FGF18: variants seen among roughly 807,000 people sequenced by gnomAD.
FGF18 encodes fibroblast growth factor 18.
Under a neutral mutation model 23.0 loss-of-function variants are expected in FGF18, and 5 were observed. The ratio of observed to expected loss-of-function variants is 0.22; its 90% CI spans 0.11 to 0.46. The LOEUF is 0.46. Ranked by LOEUF, FGF18 falls within the 20% of genes least tolerant of loss-of-function variation. The pLI is 0.99. For synonymous variants in FGF18, 117 were observed against 118.9 expected (o/e 0.98, Z 0.10); for missense variants, 180 against 291.6 (o/e 0.62, Z 2.79).
intron 3 of FGF18, among the ~76,000 whole-genome samples, chr5:171,438,226 C>T (rs1325830548): frequency 2.6e-5 from 4 of 151,708 alleles, no homozygotes; most frequent in South Asian, 2.1e-4. Flanking sequence ...CTCAGCCTCC[C>T]GAGAAGCTGG....
intron 3 of FGF18, among the ~76,000 whole-genome samples, chr5:171,441,244 C>T (rs1374227101): frequency 2.0e-5 from 3 of 152,252 alleles, no homozygotes; most frequent in East Asian, 1.9e-4. Flanking sequence ...TGAGCCCCCA[C>T]GGTCCATTTT....
chr5:171,455,279 C>T (rs1458697455), intron 4 of FGF18, among the ~76,000 whole-genome samples: 2 of 152,134 alleles, frequency 1.3e-5, no homozygotes, highest in Non-Finnish European at 2.9e-5. Context: ...TTTGGCCATG[C>T]GAAATCTCTT....
chr5:171,420,974 C>G (rs1390980465), intron 2 of FGF18, among the ~76,000 whole-genome samples: 3 of 152,248 alleles, frequency 2.0e-5, no homozygotes, highest in Non-Finnish European at 2.9e-5. Flanking sequence ...TCGAGGGCGC[C>G]TAGGCCGAGT....
chr5:171,447,934 C>G (rs1299652997), intron 3 of FGF18, among the ~76,000 whole-genome samples: 1 of 152,038 alleles, frequency 6.6e-6, no homozygotes, highest in Non-Finnish European at 1.5e-5. Context: ...GGGGCGGTCA[C>G]AGGCAAATAA....
rs552601884 is a variant in FGF18 at position 171,438,205 on chromosome 5, G to A, written c.250+1932G>A. On this transcript the variant is annotated intron_variant, in intron 3 of 4. Coordinates refer to ENST00000274625, the MANE Select transcript of FGF18 (RefSeq NM_003862.3). ...CAACCTCTGCCTCCTGGGTTCAAGCGATTCTCCTGCCTCAGCCTCCCGAGA... is the reference window on the plus strand; with the variant it reads ...CAACCTCTGCCTCCTGGGTTCAAGCAATTCTCCTGCCTCAGCCTCCCGAGA... 2.0e-5 allele frequency among the ~76,000 whole-genome samples: 3 copies of A among 151,232 alleles called. No individual in the cohort carries two copies. In the East Asian group the frequency reaches 5.9e-4, roughly 30 times the overall value.
chr5:171,437,300 C>T (rs1772262218), intron 3 of FGF18, among the ~76,000 whole-genome samples: 2 of 152,220 alleles, frequency 1.3e-5, no homozygotes, highest in South Asian at 4.1e-4. Flanking sequence ...TTATCTTGGA[C>T]ACCATTTATT....
rs370598971 is a variant in FGF18, at chr5:171,456,724, G to A, written c.543G>A (p.Gly181=). ...ATTTCATGAAGCGCTACCCCAAGGG[G>A]CAGCCGGAGCTTCAGAAGCCCTTCA... ...DVHFMKRYPK[G]QPELQKPFKY... is the part of the protein sequence containing the mutation. The change falls in exon 5 of 5, where the codon GGG becomes GGA. Residue 181 remains glycine, a synonymous_variant. Transcript: ENST00000274625. The surrounding 1 kb of genome is among the most constrained non-coding windows in gnomAD (Gnocchi z 6.1). 22 of 1,613,928 alleles carry A rather than the reference G, an allele frequency of 1.4e-5. No homozygotes were observed. In the African/African-American group the frequency reaches 2.5e-4, roughly 19 times the overall value.
chr5:171,438,031 CT>C (rs1325328129), intron 3 of FGF18, among the ~76,000 whole-genome samples: 1 of 151,912 alleles, frequency 6.6e-6, no homozygotes, highest in Non-Finnish European at 1.5e-5. Flanking sequence ...AGCACTTTGC[CT>C]TCTCTGGGCC....
At chr5:171,439,226 G>A (rs1190867802) in intron 3 of FGF18, among the ~76,000 whole-genome samples, 1 of 152,198 alleles carries the variant, frequency 6.6e-6, no homozygotes. Context: ...CTGCTTGGAT[G>A]TCAGTGGGGC....
Position 171,419,858 on chromosome 5 carries a change from G to A in FGF18, c.-342G>A, listed in dbSNP as rs1174765162. 1 of 153,678 alleles carries A rather than the reference G, an allele frequency of 6.5e-6. No homozygotes were observed. Among genetic ancestry groups the A allele is most frequent in the African/African-American group, 2.4e-5 (1 of 41,380 alleles). The allele number at this position is 153,678 out of a possible 1,614,324, so 9.5% of individuals were successfully genotyped here. ...CGCATGCTGTCCCCGGACTGAGCCG[G>A]GCAGCCAGCCTCCCACGGACGCCCG... On this transcript the variant is annotated 5_prime_UTR_variant, in exon 1 of 5. Coordinates refer to ENST00000274625, the MANE Select transcript of FGF18 (RefSeq NM_003862.3).
rs201205601 is a variant in FGF18 at position 171,456,522 on chromosome 5, C to G, written c.358-17C>G. 13 of 1,607,446 alleles carry G rather than the reference C, an allele frequency of 8.1e-6. No individual in the cohort carries two copies. The highest frequency in any genetic ancestry group is 1.1e-5 in the Non-Finnish European group (13 of 1,175,558). On this transcript the variant is annotated splice_polypyrimidine_tract_variant and intron_variant, in intron 4 of 4. Coordinates refer to ENST00000274625, the MANE Select transcript of FGF18 (RefSeq NM_003862.3). This position sits in a 1 kb window ranked among gnomAD's most constrained non-coding sequence, Gnocchi z 6.1. ...GAGTCATTTTTTTCTTGAACACTCC[C>G]CCTCTCTCCCCTGCAGCCCGATGGC... is the stretch of plus-strand genomic sequence containing the variant.
chr5:171,455,781 T>C (rs1044436896), intron 4 of FGF18, among the ~76,000 whole-genome samples: 1 of 152,240 alleles, frequency 6.6e-6, no homozygotes, highest in African/African-American at 2.4e-5. Context: ...TGCTCACCTG[T>C]GAGCCAATCA....
intron 3 of FGF18, among the ~76,000 whole-genome samples, chr5:171,439,628 T>C (rs942408225): frequency 6.6e-6 from 1 of 152,114 alleles, no homozygotes; most frequent in Non-Finnish European, 1.5e-5. Flanking sequence ...AGCCTCCATG[T>C]CTGGGCTTAG....
intron 4 of FGF18, among the ~76,000 whole-genome samples, chr5:171,455,721 G>T (rs1296250201): frequency 1.3e-5 from 2 of 152,196 alleles, no homozygotes; most frequent in Non-Finnish European, 2.9e-5. Context: ...TATGTTTGGG[G>T]TTGCCTAGAA....
intron 4 of FGF18, among the ~76,000 whole-genome samples, chr5:171,454,519 C>G (rs548070007): frequency 6.6e-5 from 10 of 152,144 alleles, no homozygotes; most frequent in Non-Finnish European, 1.5e-4. Flanking sequence ...GTGTGTGTCC[C>G]AGGTCTGCCC....
chr5:171,421,704 G>A (rs1406000827), intron 2 of FGF18, among the ~76,000 whole-genome samples: 1 of 152,182 alleles, frequency 6.6e-6, no homozygotes, highest in South Asian at 2.1e-4. Context: ...CTCCTGATAG[G>A]CACTGAGCTG....
At chr5:171,430,096 C>T (rs1211949249) in intron 2 of FGF18, among the ~76,000 whole-genome samples, 14 of 152,178 alleles carry the variant, frequency 9.2e-5, no homozygotes, top group African/African-American at 3.1e-4. Flanking sequence ...CGGTGGCTCA[C>T]GCCTGTAATC....
chr5:171,453,394 C>T (rs189462747), intron 4 of FGF18, among the ~76,000 whole-genome samples: 15 of 152,332 alleles, frequency 9.8e-5, no homozygotes, highest in African/African-American at 1.7e-4. Flanking sequence ...ATTGAGCCCG[C>T]GTGACTGGCA....
At chr5:171,450,760 G>T (rs971657960) in intron 4 of FGF18, among the ~76,000 whole-genome samples, 17 of 152,138 alleles carry the variant, frequency 1.1e-4, no homozygotes, top group African/African-American at 4.1e-4. Context: ...GCGGGCGCCG[G>T]GTCCCCCTAG....
Sources: gnomAD v4.1 joint callset for allele counts (sites outside exome capture counted in the v4.1 genomes callset) on GRCh38, gnomAD v4.1.1 for gene constraint, Gnocchi (gnomAD v3.1) non-coding constraint, MANE v1.5 for transcripts, NCBI Gene and HGNC (gene_info 2026-07-23, HGNC 2026-07-21) for gene names.